LDHB: variants seen among roughly 807,000 people sequenced by gnomAD.
LDHB encodes the protein L-lactate dehydrogenase B chain.
LDHB carries 18 observed loss-of-function variants against 33.4 expected under a neutral mutation model. The ratio of observed to expected loss-of-function variants is 0.54; its 90% CI spans 0.37 to 0.80. The LOEUF (loss-of-function observed/expected upper bound fraction) is 0.80, where lower values mean the gene tolerates loss of function less well. LDHB is among the 30% of genes least tolerant of loss of function. LDHB has a pLI of 0.00. For synonymous variants in LDHB, 121 were observed against 140.6 expected (o/e 0.86, Z 0.98); for missense variants, 345 against 407.9 (o/e 0.85, Z 1.33).
chr12:21,638,337 G>C lies in LDHB; in HGVS notation c.713+16C>G, dbSNP rs1236270530. 1 of 1,274,198 alleles carries C rather than the reference G, an allele frequency of 7.8e-7. No homozygotes were observed. The highest frequency in any genetic ancestry group is 1.5e-5 in the African/African-American group (1 of 68,014). 78.9% of individuals were successfully genotyped at this position (1,274,198 alleles called of 1,614,324 possible). A position where few individuals can be genotyped will look rare whatever the true frequency, so the allele number is the denominator to read the frequency against. ...GTTGAAATTAATCATCTAAAATCAA[G>C]TTCCCTTTCACTTACCTTTCAACCA... On this transcript the variant is annotated intron_variant, in intron 6 of 7. Coordinates refer to ENST00000350669, the MANE Select transcript of LDHB (RefSeq NM_002300.8).
intron 6 of LDHB, among the ~76,000 whole-genome samples, chr12:21,637,791 G>A (rs1436742106): frequency 6.6e-6 from 1 of 151,858 alleles, no homozygotes; most frequent in Non-Finnish European, 1.5e-5. Context: ...CACTATCTGG[G>A]TGAGCCATAG....
chr12:21,640,284 G>T (rs58886775), intron 5 of LDHB, among the ~76,000 whole-genome samples: 2,735 of 151,196 alleles, frequency 0.018, 79 homozygotes, highest in African/African-American at 0.062. Context: ...ATTTAAATGA[G>T]AAAAATATTA....
intron 3 of LDHB, among the ~76,000 whole-genome samples, chr12:21,644,943 G>A (rs1428267039): frequency 6.6e-6 from 1 of 152,164 alleles, no homozygotes. Flanking sequence ...ACTTTGTACT[G>A]TGGGGAAAAG....
At chr12:21,655,021 T>A (rs1330963352) in intron 1 of LDHB, among the ~76,000 whole-genome samples, 8 of 152,032 alleles carry the variant, frequency 5.3e-5, no homozygotes. Flanking sequence ...CTCAGGAGGC[T>A]AAGGAAGGAG....
chr12:21,649,339 C>A (rs1938616066), intron 2 of LDHB, among the ~76,000 whole-genome samples: 1 of 152,308 alleles, frequency 6.6e-6, no homozygotes, highest in South Asian at 2.1e-4. Flanking sequence ...AATTGTAACA[C>A]TGAATTTAGC....
At position 21,635,805 on chromosome 12, in the gene LDHB, G is replaced by A. The variant is rs373669754; in HGVS notation, c.838-96C>T. The A allele has an allele frequency of 1.4e-5, 15 of 1,109,566 alleles. No homozygotes were observed. The East Asian group carries it at 2.0e-4, about 15-fold the overall frequency. The allele number at this position is 1,109,566 out of a possible 1,614,324, so 68.7% of individuals were successfully genotyped here. On this transcript the variant is annotated intron_variant, in intron 7 of 7. Transcript: ENST00000350669. ...GAGGTGGGAGGACTGTTTGAGCCCA[G>A]GAGTTTGAAGCTTCAGTGAGCTATG...
In LDHB at chr12:21,635,344, C is replaced by T; in HGVS notation, c.*198G>A. 1 of 590,274 alleles carries T rather than the reference C, an allele frequency of 1.7e-6. No homozygotes were observed. The highest frequency in any genetic ancestry group is 3.0e-6 in the Non-Finnish European group (1 of 331,582). The allele number at this position is 590,274 out of a possible 1,614,324, so 36.6% of individuals were successfully genotyped here. ...GGAAGGAATCCCAGAAACAGAAGCA[C>T]ACTACAATAGTTAATTTTATTTGTT... On this transcript the variant is annotated 3_prime_UTR_variant, in exon 8 of 8. Transcript: ENST00000350669.
rs1180914946 is a variant in LDHB at position 21,635,785 on chromosome 12, G to A, written c.838-76C>T. The A allele has an allele frequency of 3.7e-6, 5 of 1,354,638 alleles. No homozygotes were observed. In the African/African-American group the frequency reaches 7.2e-5, roughly 19 times the overall value. 83.9% of individuals were successfully genotyped at this position (1,354,638 alleles called of 1,614,324 possible). ...ATGATCAAAGACAGGAGGCTGAGGTGGGAGGACTGTTTGAGCCCAGGAGTT... is the reference window on the plus strand; with the variant it reads ...ATGATCAAAGACAGGAGGCTGAGGTAGGAGGACTGTTTGAGCCCAGGAGTT... On this transcript the variant is annotated intron_variant, in intron 7 of 7. Coordinates refer to ENST00000350669, the MANE Select transcript of LDHB (RefSeq NM_002300.8).
intron 2 of LDHB, among the ~76,000 whole-genome samples, chr12:21,650,811 C>T (rs781195069): frequency 9.2e-5 from 14 of 152,072 alleles, no homozygotes; most frequent in Admixed American, 3.9e-4. Flanking sequence ...TATACAGTTA[C>T]GATAAAGTCT....
At chr12:21,653,418 T>C (rs955911711) in intron 2 of LDHB, among the ~76,000 whole-genome samples, 2 of 152,074 alleles carry the variant, frequency 1.3e-5, no homozygotes, top group Non-Finnish European at 2.9e-5. Context: ...CCCAAAACTA[T>C]CCCCTCACAC....
chr12:21,638,682 T>A (rs973254966), intron 5 of LDHB: 2 of 546,550 alleles, frequency 3.7e-6, no homozygotes, highest in Admixed American at 6.5e-5. Flanking sequence ...CTTTTAACTT[T>A]CAAGAATTTT....
At chr12:21,640,340 C>A (rs1005871831) in intron 5 of LDHB, among the ~76,000 whole-genome samples, 1 of 25,172 alleles carries the variant, frequency 4.0e-5, no homozygotes, top group Non-Finnish European at 1.5e-4. Context: ...TGTCTGAACA[C>A]GAAGCACTAA....
At chr12:21,651,245 G>A (rs1014898222) in intron 2 of LDHB, among the ~76,000 whole-genome samples, 1 of 152,186 alleles carries the variant, frequency 6.6e-6, no homozygotes, top group Non-Finnish European at 1.5e-5. Flanking sequence ...AAACAGGCAG[G>A]GAGGATTTGT....
At chr12:21,650,839 A>G (rs1359415412) in intron 2 of LDHB, among the ~76,000 whole-genome samples, 1 of 152,220 alleles carries the variant, frequency 6.6e-6, no homozygotes, top group Non-Finnish European at 1.5e-5. Flanking sequence ...CATGGAACAT[A>G]TCAGGAAGGA....
chr12:21,655,221 A>T (rs1417513220), intron 1 of LDHB, among the ~76,000 whole-genome samples: 2 of 152,254 alleles, frequency 1.3e-5, no homozygotes, highest in Non-Finnish European at 2.9e-5. Context: ...TTCTTCCTTC[A>T]GCCTATGATT....
At chr12:21,653,105 T>G (rs1396198973) in intron 2 of LDHB, among the ~76,000 whole-genome samples, 2 of 152,176 alleles carry the variant, frequency 1.3e-5, no homozygotes, top group Non-Finnish European at 2.9e-5. Context: ...AGAAAAGGGC[T>G]TCTTTCCTCA....
chr12:21,647,179 T>C (rs1938549361), intron 2 of LDHB, among the ~76,000 whole-genome samples, 163 bp from the exon 3 acceptor site: 1 of 152,204 alleles, frequency 6.6e-6, no homozygotes, highest in East Asian at 1.9e-4. Context: ...TCAGTTCACA[T>C]GATACAAACT....
chr12:21,656,913 T>C (rs1184456967), intron 1 of LDHB: 2 of 152,230 alleles, frequency 1.3e-5, no homozygotes, highest in African/African-American at 4.8e-5. Flanking sequence ...TGCAGAATCT[T>C]TCTCACCGTA....
At position 21,635,714 on chromosome 12, in the gene LDHB, C is replaced by A. The variant is rs772441235; in HGVS notation, c.838-5G>T. 1.2e-6 allele frequency: 2 copies of A among 1,613,076 alleles called. No individual in the cohort carries two copies. Among genetic ancestry groups the A allele is most frequent in the Non-Finnish European group, 1.7e-6 (2 of 1,179,342 alleles). ...ATTCTCAATGCCATACATCCCCTGC[C>A]AGAACAACAAAGCATCGAGATTAAG... On this transcript the variant is annotated splice_polypyrimidine_tract_variant and splice_region_variant and intron_variant, in intron 7 of 7. Transcript: ENST00000350669.
Sources: allele counts gnomAD v4.1 joint callset (sites outside exome capture counted in the v4.1 genomes callset), GRCh38; gene constraint gnomAD v4.1.1; transcripts MANE v1.5; gene names NCBI Gene and HGNC (gene_info 2026-07-23, HGNC 2026-07-21).